The following KCND2 variants were observed in gnomAD, a reference collection of about 807,000 sequenced individuals.
The protein encoded by KCND2 is A-type voltage-gated potassium channel KCND2.
KCND2 carries 16 observed loss-of-function variants against 54.4 expected under a neutral mutation model. The observed-to-expected ratio is 0.29, with a 90% CI of 0.20 to 0.45. KCND2 has a LOEUF of 0.45. Among genes scored for constraint, KCND2 ranks in the 20% least tolerant of loss-of-function variants. KCND2 has a pLI of 1.00. For missense variants in KCND2, 486 were observed against 824.2 expected (o/e 0.59, Z 5.02); for synonymous variants, 317 against 310.7 (o/e 1.02, Z -0.21).
chr7:120,479,794 CACAA>C (rs1245470135), intron 1 of KCND2, among the ~76,000 whole-genome samples: 19 of 89,160 alleles, frequency 2.1e-4, no homozygotes, highest in African/African-American at 1.0e-3. Flanking sequence ...TATACACACA[CACAA>C]AAAAAAAAAA....
intron 1 of KCND2, among the ~76,000 whole-genome samples, chr7:120,472,433 C>T (rs7785571): frequency 0.38 from 58,265 of 151,842 alleles, 15,654 homozygotes; most frequent in African/African-American, 0.76. Flanking sequence ...GCATGGGCTT[C>T]CGAATAACAT....
chr7:120,663,668 G>T (rs917453346), intron 1 of KCND2, among the ~76,000 whole-genome samples: 2 of 152,122 alleles, frequency 1.3e-5, no homozygotes, highest in African/African-American at 4.8e-5. Context: ...TCACAAAAAT[G>T]TGCTTACATA....
At chr7:120,410,922 A>G (rs1230960384) in intron 1 of KCND2, among the ~76,000 whole-genome samples, 1 of 151,968 alleles carries the variant, frequency 6.6e-6, no homozygotes, top group East Asian at 1.9e-4. Context: ...TATATGTGCC[A>G]CATTTTCTTA....
intron 1 of KCND2, among the ~76,000 whole-genome samples, chr7:120,309,454 TATA>T (rs1755810553): frequency 1.2e-5 from 1 of 82,650 alleles, no homozygotes; most frequent in South Asian, 3.3e-4. Flanking sequence ...ATAGAAAACA[TATA>T]TATATATATA....
intron 1 of KCND2, among the ~76,000 whole-genome samples, chr7:120,336,249 G>T (rs1230933991): frequency 6.6e-6 from 1 of 152,170 alleles, no homozygotes; most frequent in Non-Finnish European, 1.5e-5. Context: ...CCTTGGTTCT[G>T]TTAATAATTA....
intron 1 of KCND2, among the ~76,000 whole-genome samples, chr7:120,411,444 A>C (rs1202133924): frequency 6.6e-6 from 1 of 151,916 alleles, no homozygotes; most frequent in East Asian, 1.9e-4. Context: ...CAATGATACA[A>C]AAGTTTAAAA....
At chr7:120,619,554 G>T (rs1246329082) in intron 1 of KCND2, among the ~76,000 whole-genome samples, 3 of 152,196 alleles carry the variant, frequency 2.0e-5, no homozygotes, top group Non-Finnish European at 4.4e-5. Flanking sequence ...AAACACAAAT[G>T]TTCAACATTT....
intron 1 of KCND2, among the ~76,000 whole-genome samples, chr7:120,341,072 G>A (rs1800233102): frequency 6.6e-6 from 1 of 152,184 alleles, no homozygotes; most frequent in Non-Finnish European, 1.5e-5. Context: ...CAAGAAACTT[G>A]ATAGAGAACA....
Position 120,749,573 on chromosome 7 carries a change from G to C in KCND2, c.*1715G>C, listed in dbSNP as rs2116201568. The C allele has an allele frequency of 6.6e-6, 1 of 152,322 alleles. No individual in the cohort carries two copies. Among genetic ancestry groups the C allele is most frequent in the East Asian group, 1.9e-4 (1 of 5,168 alleles). 9.4% of individuals were successfully genotyped at this position (152,322 alleles called of 1,614,324 possible). ...TGCTTATGATATTTAATCATAAAAA[G>C]GGATTAATCCAACCATTTTCTAGTA... is the stretch of plus-strand genomic sequence containing the variant. On this transcript the variant is annotated 3_prime_UTR_variant, in exon 6 of 6. Coordinates refer to ENST00000331113, the MANE Select transcript of KCND2 (RefSeq NM_012281.3).
chr7:120,617,786 C>T (rs1793046909), intron 1 of KCND2, among the ~76,000 whole-genome samples: 1 of 152,138 alleles, frequency 6.6e-6, no homozygotes, highest in Non-Finnish European at 1.5e-5. Context: ...AAATATGGTA[C>T]ATGTACACCA....
At chr7:120,333,253 A>G (rs1189265954) in intron 1 of KCND2, among the ~76,000 whole-genome samples, 1 of 152,144 alleles carries the variant, frequency 6.6e-6, no homozygotes, top group Non-Finnish European at 1.5e-5. Context: ...ATTGTAAGGA[A>G]CAAATGAAAT....
At chr7:120,646,709 G>A (rs1793446882) in intron 1 of KCND2, among the ~76,000 whole-genome samples, 1 of 152,196 alleles carries the variant, frequency 6.6e-6, no homozygotes, top group South Asian at 2.1e-4. Flanking sequence ...TAAAGTAATA[G>A]ATATCCTACT....
chr7:120,677,556 G>GATATAT (rs1303716133), intron 1 of KCND2, among the ~76,000 whole-genome samples: 2 of 107,556 alleles, frequency 1.9e-5, no homozygotes, highest in African/African-American at 9.2e-5. Context: ...TAGATATATA[G>GATATAT]ATATATAGAT....
intron 1 of KCND2, among the ~76,000 whole-genome samples, chr7:120,329,768 G>GTCTA (rs1410071969): frequency 1.2e-4 from 19 of 152,108 alleles, no homozygotes; most frequent in African/African-American, 4.6e-4. Flanking sequence ...AGTTGAGTTA[G>GTCTA]TCTAGGCAGT....
chr7:120,336,414 C>G (rs1800153407), intron 1 of KCND2, among the ~76,000 whole-genome samples: 1 of 152,088 alleles, frequency 6.6e-6, no homozygotes, highest in Admixed American at 6.6e-5. Flanking sequence ...TTGACACGGT[C>G]CATCTTGTGA....
At chr7:120,384,430 T>C (rs1800958452) in intron 1 of KCND2, among the ~76,000 whole-genome samples, 1 of 150,838 alleles carries the variant, frequency 6.6e-6, no homozygotes, top group Admixed American at 6.6e-5. Flanking sequence ...CAAAAACTTC[T>C]CCTTGCGCTC....
chr7:120,438,417 A>G (rs1051137892), intron 1 of KCND2, among the ~76,000 whole-genome samples: 4 of 152,198 alleles, frequency 2.6e-5, no homozygotes, highest in East Asian at 1.9e-4. Context: ...ATCATTTTAT[A>G]TAGGCCAATT....
chr7:120,536,843 CTTCT>C (rs1236136418), intron 1 of KCND2, among the ~76,000 whole-genome samples: 2 of 152,084 alleles, frequency 1.3e-5, no homozygotes, highest in Non-Finnish European at 2.9e-5. Flanking sequence ...ATGTAATAAA[CTTCT>C]TTCTTTTTAA....
intron 1 of KCND2, among the ~76,000 whole-genome samples, chr7:120,354,664 T>A (rs989078059): frequency 6.6e-6 from 1 of 152,106 alleles, no homozygotes; most frequent in Non-Finnish European, 1.5e-5. Context: ...GGTGGGAGGA[T>A]CACTTGAGGC....
Sources: gnomAD v4.1 joint callset for allele counts (sites outside exome capture counted in the v4.1 genomes callset) on GRCh38, gnomAD v4.1.1 for gene constraint, MANE v1.5 for transcripts, NCBI Gene and HGNC (gene_info 2026-07-23, HGNC 2026-07-21) for gene names.